CYYR1: variants seen among roughly 807,000 people sequenced by gnomAD.
CYYR1 encodes the protein cysteine and tyrosine rich 1.
Under a neutral mutation model 15.2 loss-of-function variants are expected in CYYR1, and 14 were observed. The observed-to-expected ratio is 0.92, with a 90% CI of 0.61 to 1.44. The LOEUF is 1.44. CYYR1 is among the 40% of genes most tolerant of loss of function. The pLI is 0.00. For missense variants in CYYR1, 228 were observed against 209.5 expected (o/e 1.09, Z -0.54); for synonymous variants, 80 against 77.4 (o/e 1.03, Z -0.18).
At chr21:26,552,084 G>A (rs528515103) in intron 2 of CYYR1, 1 of 152,392 alleles carries the variant, frequency 6.6e-6, no homozygotes, top group East Asian at 1.9e-4. Flanking sequence ...ACAACTTGCT[G>A]AAGGCTCGGA....
chr21:26,497,216 G>A (rs983395619), intron 2 of CYYR1, among the ~76,000 whole-genome samples: 5 of 151,992 alleles, frequency 3.3e-5, no homozygotes, highest in African/African-American at 1.2e-4. Context: ...ACTAATGTAC[G>A]CTCAGCAGGA....
chr21:26,479,764 G>A (rs546885568), intron 3 of CYYR1, among the ~76,000 whole-genome samples: 8 of 152,002 alleles, frequency 5.3e-5, no homozygotes, highest in Admixed American at 5.2e-4. Flanking sequence ...CACCCACCTC[G>A]GCCTACCAAA....
At chr21:26,565,663 C>T (rs1980564271) in intron 2 of CYYR1, among the ~76,000 whole-genome samples, 1 of 152,198 alleles carries the variant, frequency 6.6e-6, no homozygotes, top group Non-Finnish European at 1.5e-5. Flanking sequence ...AAATGCTTCA[C>T]AGAGTCTACA....
At chr21:26,504,416 G>A (rs1446298506) in intron 2 of CYYR1, among the ~76,000 whole-genome samples, 6 of 151,902 alleles carry the variant, frequency 3.9e-5, no homozygotes, top group South Asian at 2.1e-4. Context: ...GATTACAGGC[G>A]CGTACCACCA....
intron 2 of CYYR1, among the ~76,000 whole-genome samples, chr21:26,559,540 C>A (rs1980053975): frequency 6.6e-6 from 1 of 151,900 alleles, no homozygotes; most frequent in Admixed American, 6.6e-5. Context: ...TTTTTTCTAT[C>A]CTGATACCAT....
At chr21:26,559,815 T>C (rs1219642835) in intron 2 of CYYR1, among the ~76,000 whole-genome samples, 1 of 152,174 alleles carries the variant, frequency 6.6e-6, no homozygotes, top group African/African-American at 2.4e-5. Flanking sequence ...GGTTTATCCA[T>C]TAACCAATAT....
At chr21:26,549,758 A>C (rs2123680295) in intron 2 of CYYR1, among the ~76,000 whole-genome samples, 1 of 152,308 alleles carries the variant, frequency 6.6e-6, no homozygotes, top group South Asian at 2.1e-4. Context: ...TTAGAATTAC[A>C]GTAAAGTCAA....
chr21:26,473,366 G>A (rs1242022582), intron 3 of CYYR1, among the ~76,000 whole-genome samples: 2 of 151,692 alleles, frequency 1.3e-5, no homozygotes, highest in African/African-American at 2.4e-5. Context: ...ACTCAATACT[G>A]CCCATTTATC....
Position 26,539,097 on chromosome 21 carries a change from G to A in CYYR1, c.176+27169C>T, listed in dbSNP as rs575976408. 6.6e-5 allele frequency among the ~76,000 whole-genome samples: 10 copies of A among 152,170 alleles called. 1 individual carries two copies. The South Asian group carries it at 1.0e-3, about 16-fold the overall frequency. On this transcript the variant is annotated intron_variant, in intron 2 of 3. Transcript: ENST00000652641. ...TCACAGGTACCAATTATACTACGAC[G>A]GTTTGTTGCCTATACTCAAAGATGC...
chr21:26,551,757 A>C (rs1815575724), intron 2 of CYYR1: 4 of 215,918 alleles, frequency 1.9e-5, no homozygotes, highest in Non-Finnish European at 3.7e-5. Flanking sequence ...TCCTGGTGAA[A>C]ATGCTGTGAA....
intron 2 of CYYR1, among the ~76,000 whole-genome samples, chr21:26,515,384 A>C (rs573236133): frequency 1.3e-5 from 2 of 151,406 alleles, no homozygotes; most frequent in South Asian, 4.2e-4. Flanking sequence ...TTTGGGAGAG[A>C]GTCTCACTTT....
At chr21:26,481,149 T>C (rs1277809973) in intron 2 of CYYR1, among the ~76,000 whole-genome samples, 2 of 152,160 alleles carry the variant, frequency 1.3e-5, no homozygotes, top group African/African-American at 4.8e-5. Flanking sequence ...TGGAATATAA[T>C]TTGTAGGTAA....
At chr21:26,561,761 A>T (rs189972227) in intron 2 of CYYR1, among the ~76,000 whole-genome samples, 143 of 152,320 alleles carry the variant, frequency 9.4e-4, no homozygotes, top group Non-Finnish European at 7.2e-4. Context: ...ATATATTGTC[A>T]TCTAGCTCAC....
In CYYR1 at chr21:26,573,135, G is replaced by C. The variant is rs755048541; in HGVS notation, c.-195C>G. On this transcript the variant is annotated 5_prime_UTR_variant, in exon 1 of 4. Coordinates refer to ENST00000652641, the MANE Select transcript of CYYR1 (RefSeq NM_001320768.2). ...CGGGCCAGCGACTGCGGGACTCCGCGGAGCTGGGGCGCCCGTGGCCCGAGA... is the reference window on the plus strand; with the variant it reads ...CGGGCCAGCGACTGCGGGACTCCGCCGAGCTGGGGCGCCCGTGGCCCGAGA... 1 of 1,493,118 alleles carries C rather than the reference G, an allele frequency of 6.7e-7. No homozygotes were observed. Among genetic ancestry groups the C allele is most frequent in the Non-Finnish European group, 8.9e-7 (1 of 1,127,690 alleles). The allele number at this position is 1,493,118 out of a possible 1,614,324, so 92.5% of individuals were successfully genotyped here.
At chr21:26,507,764 G>A (rs982831263) in intron 2 of CYYR1, among the ~76,000 whole-genome samples, 1 of 152,174 alleles carries the variant, frequency 6.6e-6, no homozygotes, top group African/African-American at 2.4e-5. Context: ...TTTCCCTCAT[G>A]AAGGAAATGA....
chr21:26,571,681 C>T (rs1190993002), intron 1 of CYYR1, among the ~76,000 whole-genome samples: 1 of 152,126 alleles, frequency 6.6e-6, no homozygotes, highest in Non-Finnish European at 1.5e-5. Flanking sequence ...ATGCAGTTGA[C>T]TCTGTTAATC....
chr21:26,553,312 T>G (rs1001109829), intron 2 of CYYR1, among the ~76,000 whole-genome samples: 1 of 152,124 alleles, frequency 6.6e-6, no homozygotes, highest in East Asian at 1.9e-4. Context: ...TGTATCTGGG[T>G]GTGAATTTCA....
chr21:26,487,148 A>G (rs926158673), intron 2 of CYYR1, among the ~76,000 whole-genome samples: 5 of 152,074 alleles, frequency 3.3e-5, no homozygotes, highest in African/African-American at 9.6e-5. Context: ...ATAAACTTCC[A>G]TATGGAAATA....
intron 3 of CYYR1, among the ~76,000 whole-genome samples, chr21:26,474,418 T>TC (rs2123376618): frequency 6.6e-6 from 1 of 151,260 alleles, no homozygotes; most frequent in Admixed American, 6.6e-5. Flanking sequence ...CTTTTTTTTT[T>TC]TTTTTTTTTT....
Sources: allele counts gnomAD v4.1 joint callset (sites outside exome capture counted in the v4.1 genomes callset), GRCh38; gene constraint gnomAD v4.1.1; transcripts MANE v1.5; gene names NCBI Gene and HGNC (gene_info 2026-07-23, HGNC 2026-07-21).